CDYL: variants seen among roughly 807,000 people sequenced by gnomAD.
CDYL encodes chromodomain Y-like protein.
Under a neutral mutation model 47.3 loss-of-function variants are expected in CDYL, and 8 were observed. The ratio of observed to expected loss-of-function variants is 0.17; its 90% CI spans 0.10 to 0.31. CDYL has a LOEUF of 0.31. Among genes scored for constraint, CDYL ranks in the 10% least tolerant of loss-of-function variants. CDYL has a pLI of 1.00. For synonymous variants in CDYL, 266 were observed against 265.0 expected (o/e 1.00, Z -0.04); for missense variants, 471 against 701.4 (o/e 0.67, Z 3.71).
intron 1 of CDYL, among the ~76,000 whole-genome samples, chr6:4,844,579 C>T (rs1011867131): frequency 1.3e-5 from 2 of 152,180 alleles, no homozygotes; most frequent in South Asian, 2.1e-4. Context: ...TGCCATTTTC[C>T]TTGTGACTCT....
intron 2 of CDYL, among the ~76,000 whole-genome samples, chr6:4,728,108 T>C (rs982879249): frequency 2.0e-5 from 3 of 152,224 alleles, no homozygotes; most frequent in Admixed American, 6.5e-5. Context: ...TTAAGGACTC[T>C]TTCTTCAACT....
intron 2 of CDYL, among the ~76,000 whole-genome samples, chr6:4,727,593 A>G (rs1053704719): frequency 1.4e-4 from 2 of 14,518 alleles, no homozygotes; most frequent in Admixed American, 6.6e-4. Flanking sequence ...CCTCCCACCC[A>G]CCCCCTCCCT....
chr6:4,946,852 T>A lies in CDYL; in HGVS notation c.1332+3096T>A, dbSNP rs543512197. Among the ~76,000 whole-genome samples the A allele has an allele frequency of 4.7e-4, 72 of 152,152 alleles. No individual in the cohort carries two copies. In the South Asian group the frequency reaches 0.012, roughly 26 times the overall value. Reference sequence around the variant, plus strand: ...CCTCCCTCTGGCACTGACCACAGGCTCCATATGCATCTTGTCCCACCCCTC... The same window carrying A: ...CCTCCCTCTGGCACTGACCACAGGCACCATATGCATCTTGTCCCACCCCTC... On this transcript the variant is annotated intron_variant, in intron 5 of 6. Transcript: ENST00000397588.
At chr6:4,947,221 A>G (rs974015744) in intron 5 of CDYL, among the ~76,000 whole-genome samples, 2 of 152,222 alleles carry the variant, frequency 1.3e-5, no homozygotes, top group African/African-American at 4.8e-5. Flanking sequence ...GCTGAGAGAT[A>G]TTTGCCTTAT....
At chr6:4,749,961 T>C (rs1757962465) in intron 3 of CDYL, among the ~76,000 whole-genome samples, 1 of 152,170 alleles carries the variant, frequency 6.6e-6, no homozygotes, top group African/African-American at 2.4e-5. Flanking sequence ...AGGAGGCTTC[T>C]TGAACTTTGC....
intron 1 of CDYL, among the ~76,000 whole-genome samples, chr6:4,781,158 T>G (rs776665770): frequency 6.6e-6 from 1 of 152,220 alleles, no homozygotes; most frequent in Non-Finnish European, 1.5e-5. Context: ...AAAAAATTGT[T>G]TTAAAGTTGA....
At chr6:4,928,737 T>C (rs1757950579) in intron 2 of CDYL, 1 of 152,220 alleles carries the variant, frequency 6.6e-6, no homozygotes, top group Admixed American at 6.5e-5. Flanking sequence ...AGGTAATTTG[T>C]TAATGATTTT....
intron 2 of CDYL, among the ~76,000 whole-genome samples, chr6:4,725,942 C>G (rs1322611002): frequency 6.6e-6 from 1 of 151,862 alleles, no homozygotes; most frequent in African/African-American, 2.4e-5. Context: ...AACAAAAGAG[C>G]AAATTACCAA....
intron 3 of CDYL, among the ~76,000 whole-genome samples, chr6:4,738,124 C>T (rs1277700602): frequency 6.6e-6 from 1 of 152,132 alleles, no homozygotes; most frequent in Non-Finnish European, 1.5e-5. Context: ...TCTATGGCTC[C>T]CAGCACTTTG....
In CDYL at chr6:4,887,531, G is replaced by A. The variant is rs191315619; in HGVS notation, c.25-4182G>A. On this transcript the variant is annotated intron_variant, in intron 1 of 6. Transcript: ENST00000397588. ...TATTCCATTTTAAAAATTGATTTTT[G>A]TATGTTGCTTTGTCTCTTGCAATCT... 6.6e-5 allele frequency among the ~76,000 whole-genome samples: 10 copies of A among 151,804 alleles called. No individual in the cohort carries two copies. The East Asian group carries it at 1.9e-3, about 29-fold the overall frequency.
intron 2 of CDYL, among the ~76,000 whole-genome samples, chr6:4,730,044 G>A (rs1239688102): frequency 1.3e-5 from 2 of 152,080 alleles, no homozygotes; most frequent in African/African-American, 4.8e-5. Context: ...GGCTTTGCTG[G>A]AGATATTACC....
intron 2 of CDYL, among the ~76,000 whole-genome samples, chr6:4,720,663 G>A (rs1757350920): frequency 6.6e-6 from 1 of 152,130 alleles, no homozygotes; most frequent in Non-Finnish European, 1.5e-5. Context: ...ACTCCTAGAA[G>A]GAAACAAGGA....
At chr6:4,858,981 T>C (rs79267880) in intron 1 of CDYL, among the ~76,000 whole-genome samples, 3,434 of 152,318 alleles carry the variant, frequency 0.023, 142 homozygotes, top group African/African-American at 0.079. Flanking sequence ...GGGTCTCTGC[T>C]CATTCTGGGC....
intron 1 of CDYL, among the ~76,000 whole-genome samples, chr6:4,790,840 A>G (rs1019097308): frequency 6.6e-6 from 1 of 152,268 alleles, no homozygotes; most frequent in African/African-American, 2.4e-5. Context: ...GTCATCAACG[A>G]TTTCAAGTTA....
intron 1 of CDYL, among the ~76,000 whole-genome samples, chr6:4,866,755 A>C (rs1442001137): frequency 4.6e-5 from 7 of 152,116 alleles, no homozygotes; most frequent in Non-Finnish European, 1.0e-4. Context: ...ACCCAAATTG[A>C]CTAAAAAAGA....
At chr6:4,834,806 C>T (rs1289745224) in intron 1 of CDYL, among the ~76,000 whole-genome samples, 2 of 152,002 alleles carry the variant, frequency 1.3e-5, no homozygotes, top group African/African-American at 2.4e-5. Flanking sequence ...CTTCCTTTCT[C>T]GCTTCATTTC....
At chr6:4,788,414 T>C (rs1581167204) in intron 1 of CDYL, among the ~76,000 whole-genome samples, 1 of 123,526 alleles carries the variant, frequency 8.1e-6, no homozygotes, top group South Asian at 2.6e-4. Context: ...ACCCAGGAGG[T>C]GGAGTTAGCA....
intron 1 of CDYL, among the ~76,000 whole-genome samples, chr6:4,860,510 AAAAATATATATAT>A (rs1761134507): frequency 6.8e-6 from 1 of 147,276 alleles, no homozygotes; most frequent in Non-Finnish European, 1.5e-5. Context: ...TATATATATA[AAAAATATATATAT>A]AATGTATATT....
At chr6:4,793,166 A>G (rs1758976000) in intron 1 of CDYL, among the ~76,000 whole-genome samples, 1 of 152,132 alleles carries the variant, frequency 6.6e-6, no homozygotes, top group Non-Finnish European at 1.5e-5. Context: ...CCCTGGAATC[A>G]TCATGTTGAT....
Sources: allele counts gnomAD v4.1 joint callset (sites outside exome capture counted in the v4.1 genomes callset), GRCh38; gene constraint gnomAD v4.1.1; transcripts MANE v1.5; gene names NCBI Gene and HGNC (gene_info 2026-07-23, HGNC 2026-07-21).